The following COL13A1 variants were observed in gnomAD, a reference collection of about 807,000 sequenced individuals.
COL13A1 encodes collagen alpha-1(XIII) chain.
Under a neutral mutation model 130.9 loss-of-function variants are expected in COL13A1, and 89 were observed. That is an observed-to-expected ratio of 0.68 (90% CI 0.57 to 0.81). The LOEUF (loss-of-function observed/expected upper bound fraction) is 0.81, where lower values mean the gene tolerates loss of function less well. COL13A1 is among the 30% of genes least tolerant of loss of function. COL13A1 has a pLI of 0.00. For synonymous variants in COL13A1, 402 were observed against 341.6 expected (o/e 1.18, Z -1.95); for missense variants, 879 against 934.6 (o/e 0.94, Z 0.78).
intron 1 of COL13A1, among the ~76,000 whole-genome samples, chr10:69,818,501 G>A (rs140135623): frequency 1.3e-3 from 202 of 152,342 alleles, no homozygotes; most frequent in African/African-American, 4.5e-3. Context: ...GTATATAGAT[G>A]CACAGAAAGC....
intron 36 of COL13A1, among the ~76,000 whole-genome samples, 191 bp from the exon 37 acceptor site, chr10:69,945,480 G>A (rs896078935): frequency 5.9e-5 from 9 of 152,166 alleles, no homozygotes; most frequent in African/African-American, 2.2e-4. Flanking sequence ...GAGAGTGAGG[G>A]GGGCTTCTGA....
chr10:69,815,224 C>G (rs956540636), intron 1 of COL13A1, among the ~76,000 whole-genome samples: 5 of 152,134 alleles, frequency 3.3e-5, no homozygotes, highest in African/African-American at 1.2e-4. Flanking sequence ...TTGCAGAGGC[C>G]CAGGTTGAGC....
At chr10:69,910,644 T>G (rs1304077443) in intron 17 of COL13A1, among the ~76,000 whole-genome samples, 1 of 152,236 alleles carries the variant, frequency 6.6e-6, no homozygotes, top group Non-Finnish European at 1.5e-5. Context: ...CCAGCCCTCC[T>G]GCCTAGACAC....
chr10:69,927,383 T>TA (rs1384579752), intron 27 of COL13A1, among the ~76,000 whole-genome samples: 5 of 152,294 alleles, frequency 3.3e-5, no homozygotes, highest in African/African-American at 1.2e-4. Context: ...CTGGTGACAA[T>TA]ACAAATGCTG....
At chr10:69,931,109 T>G in intron 30 of COL13A1, 1 of 454,480 alleles carries the variant, frequency 2.2e-6, no homozygotes, top group Non-Finnish European at 4.4e-6. Flanking sequence ...TTGGTCACAC[T>G]CAGCAAGACC....
intron 38 of COL13A1, among the ~76,000 whole-genome samples, chr10:69,949,435 G>A (rs898399594): frequency 1.6e-4 from 25 of 152,224 alleles, no homozygotes; most frequent in African/African-American, 6.0e-4. Context: ...CTCCTGCCTC[G>A]GCTCCCAAAG....
chr10:69,897,452 A>T (rs764930471), intron 13 of COL13A1: 1 of 1,613,240 alleles, frequency 6.2e-7, no homozygotes, highest in Non-Finnish European at 8.5e-7. Flanking sequence ...TGTCTCTGCC[A>T]CCTCCATCCC....
intron 35 of COL13A1, among the ~76,000 whole-genome samples, chr10:69,942,941 G>A (rs940460350): frequency 2.0e-5 from 3 of 152,170 alleles, no homozygotes; most frequent in African/African-American, 4.8e-5. Context: ...TCCACCTCCG[G>A]GTTTCAAGCG....
chr10:69,864,524 A>T (rs1252244090), intron 2 of COL13A1, among the ~76,000 whole-genome samples: 3 of 152,178 alleles, frequency 2.0e-5, no homozygotes, highest in Admixed American at 6.5e-5. Flanking sequence ...ATAAATGCTT[A>T]AAAAAATGAA....
rs756480540 is a variant in COL13A1, at chr10:69,880,529, C to T, written c.489C>T (p.Ser163=). The change falls in exon 7 of 41, where the codon TCC becomes TCT. Residue 163 remains serine (S), a synonymous_variant. Coordinates refer to ENST00000645393, the MANE Select transcript of COL13A1 (RefSeq NM_001368882.1). Reference sequence around the variant, plus strand: ...GGTCCCCCGGAGACGCTGGGCTGTCCATCATTGGTCCCCGCGGCCCCCCTG... The same window carrying T: ...GGTCCCCCGGAGACGCTGGGCTGTCTATCATTGGTCCCCGCGGCCCCCCTG... ...EKGSPGDAGL[S]IIGPRGPPGQ... is the part of the protein sequence containing the mutation. The T allele has an allele frequency of 3.7e-6, 6 of 1,613,532 alleles. No homozygotes were observed. The highest frequency in any genetic ancestry group is 5.1e-6 in the Non-Finnish European group (6 of 1,179,670).
intron 7 of COL13A1, 44 bp from the exon 8 acceptor site, chr10:69,887,409 TCTC>T (rs2060700623): frequency 2.5e-6 from 4 of 1,598,218 alleles, no homozygotes; most frequent in African/African-American, 1.3e-5. Context: ...ATTGGCTCTG[TCTC>T]CTCCTTGCTC....
intron 2 of COL13A1, among the ~76,000 whole-genome samples, chr10:69,861,275 T>C (rs1857991329): frequency 6.6e-6 from 1 of 152,082 alleles, no homozygotes; most frequent in Admixed American, 6.6e-5. Flanking sequence ...TCCATGGAGT[T>C]TACAGGAAGG....
chr10:69,889,481 G>A lies in COL13A1; in HGVS notation c.603+41G>A, dbSNP rs574393890. On this transcript the variant is annotated intron_variant, in intron 10 of 40. Transcript: ENST00000645393. Reference sequence around the variant, plus strand: ...TCCTGCCTTCCCGAGATGGGTGGGGGTTGGCCCAGCCTCACAGGCACAGCC... The same window carrying A: ...TCCTGCCTTCCCGAGATGGGTGGGGATTGGCCCAGCCTCACAGGCACAGCC... 2.5e-6 allele frequency: 4 copies of A among 1,604,246 alleles called. No homozygotes were observed. In the South Asian group the frequency reaches 3.4e-5, roughly 14 times the overall value.
At chr10:69,821,277 C>A (rs1242993320) in intron 1 of COL13A1, among the ~76,000 whole-genome samples, 2 of 152,168 alleles carry the variant, frequency 1.3e-5, no homozygotes, top group African/African-American at 2.4e-5. Flanking sequence ...CTGTGGGAAC[C>A]AAATAAAATA....
intron 8 of COL13A1, 53 bp downstream of exon 8, chr10:69,887,544 T>C (rs1266333554): frequency 6.3e-7 from 1 of 1,593,962 alleles, no homozygotes; most frequent in Non-Finnish European, 8.6e-7. Flanking sequence ...GTAGGCCTGA[T>C]TGGGTTAAAC....
At chr10:69,922,873 G>C in intron 23 of COL13A1, 79 bp downstream of exon 23, 1 of 952,926 alleles carries the variant, frequency 1.0e-6, no homozygotes, top group Non-Finnish European at 1.5e-6. Flanking sequence ...GGGACTCTAC[G>C]TCCCGGACAT....
intron 2 of COL13A1, among the ~76,000 whole-genome samples, chr10:69,830,760 A>G (rs988732609): frequency 1.3e-5 from 2 of 152,110 alleles, no homozygotes; most frequent in East Asian, 1.9e-4. Context: ...CCCATATACA[A>G]TTGGTCGATT....
At position 69,924,808 on chromosome 10, in the gene COL13A1, G is replaced by A. The variant is rs115137433; in HGVS notation, c.1285-155G>A. The stretch of plus-strand genomic sequence containing the variant: ...CAGAGGGACAGGAGTGTGGGTGGGT[G>A]TTCCCTGGATGTTTCCTGAAGGGGT... On this transcript the variant is annotated intron_variant, in intron 24 of 40. Transcript: ENST00000645393. Among the ~76,000 whole-genome samples, 859 of 152,018 alleles carry A rather than the reference G, an allele frequency of 5.7e-3. 3 individuals are homozygous for A. The highest frequency in any genetic ancestry group is 0.02 in the African/African-American group (833 of 41,464).
intron 18 of COL13A1, among the ~76,000 whole-genome samples, chr10:69,917,983 C>A (rs1403600290): frequency 6.6e-6 from 1 of 152,098 alleles, no homozygotes; most frequent in Non-Finnish European, 1.5e-5. Context: ...CCCCTCCCAG[C>A]CCCATCTAGT....
Sources: gnomAD v4.1 joint callset for allele counts (sites outside exome capture counted in the v4.1 genomes callset) on GRCh38, gnomAD v4.1.1 for gene constraint, MANE v1.5 for transcripts, NCBI Gene and HGNC (gene_info 2026-07-23, HGNC 2026-07-21) for gene names.